The following PCDHGB4 variants were observed in gnomAD, a reference collection of about 807,000 sequenced individuals.
PCDHGB4 encodes protocadherin gamma-B4.
A neutral mutation model predicts 60.5 loss-of-function variants in PCDHGB4; 38 were observed. The ratio of observed to expected loss-of-function variants is 0.63; its 90% CI spans 0.48 to 0.82. PCDHGB4 has a LOEUF of 0.82. PCDHGB4 is among the 40% of genes least tolerant of loss of function. PCDHGB4 has a pLI of 0.00. For synonymous variants in PCDHGB4, 456 were observed against 509.7 expected (o/e 0.89, Z 1.42); for missense variants, 1,109 against 1,209.6 (o/e 0.92, Z 1.23).
intron 1 of PCDHGB4, chr5:141,414,152 A>G (rs1251267001): frequency 1.9e-6 from 3 of 1,600,994 alleles, no homozygotes; most frequent in Non-Finnish European, 2.6e-6. Context: ...ATACAAGCAG[A>G]AGATGGAGGA....
intron 1 of PCDHGB4, chr5:141,422,513 G>A (rs765955739): frequency 6.2e-7 from 1 of 1,614,000 alleles, no homozygotes. Context: ...ACAGACCAGG[G>A]AAGCCCGCCT....
intron 1 of PCDHGB4, chr5:141,426,414 G>A (rs2096934345): frequency 3.5e-6 from 1 of 287,986 alleles, no homozygotes; most frequent in Admixed American, 4.4e-5. Context: ...AAACGGTCCA[G>A]GGCTCCGTGG....
At chr5:141,465,945 AC>A (rs761290693) in intron 1 of PCDHGB4, among the ~76,000 whole-genome samples, 7 of 151,958 alleles carry the variant, frequency 4.6e-5, no homozygotes, top group Non-Finnish European at 5.9e-5. Context: ...ACATGGTGAA[AC>A]CCCATCTCTA....
At chr5:141,449,280 C>G (rs934214922) in intron 1 of PCDHGB4, among the ~76,000 whole-genome samples, 1 of 151,944 alleles carries the variant, frequency 6.6e-6, no homozygotes, top group East Asian at 1.9e-4. Context: ...CTCCTTCACC[C>G]GGATGCACCG....
chr5:141,477,890 C>T lies in PCDHGB4; in HGVS notation c.2398-16917C>T, dbSNP rs202114426. ...TACCTCAGCTGGCCACCTAGTGTCA[C>T]GGGTGGTAGGCTGGGACGCGGATGC... is the stretch of plus-strand genomic sequence containing the variant. On this transcript the variant is annotated intron_variant, in intron 1 of 3. Coordinates refer to ENST00000519479, the MANE Select transcript of PCDHGB4 (RefSeq NM_003736.4). This position sits in a 1 kb window ranked among gnomAD's most constrained non-coding sequence, Gnocchi z 4.9. 9.9e-6 allele frequency: 16 copies of T among 1,614,086 alleles called. No individual in the cohort carries two copies. Among genetic ancestry groups the T allele is most frequent in the Admixed American group, 1.7e-5 (1 of 60,006 alleles).
chr5:141,473,312 A>G (rs1432409474), intron 1 of PCDHGB4, among the ~76,000 whole-genome samples: 1 of 152,228 alleles, frequency 6.6e-6, no homozygotes, highest in Non-Finnish European at 1.5e-5. Context: ...TGCTATATTA[A>G]TAAGCATTAA....
chr5:141,470,130 A>G (rs915991313), intron 1 of PCDHGB4, among the ~76,000 whole-genome samples: 4 of 151,534 alleles, frequency 2.6e-5, no homozygotes, highest in African/African-American at 4.9e-5. Flanking sequence ...CTTCGTCTCA[A>G]AAAAAAAGAT....
rs1482297743 is a variant in PCDHGB4 at position 141,403,937 on chromosome 5, G to A, written c.2397+13656G>A. 8 of 1,613,778 alleles carry A rather than the reference G, an allele frequency of 5.0e-6. No individual in the cohort carries two copies. The highest frequency in any genetic ancestry group is 6.8e-6 in the Non-Finnish European group (8 of 1,179,896). On this transcript the variant is annotated intron_variant, in intron 1 of 3. Transcript: ENST00000519479. ...AGCTGAAGATGGTGGGGGATTGAAA[G>A]GGTGGACAAAAGTGCTCATTTCGGT...
rs148279287 is a variant in PCDHGB4 at position 141,389,277 on chromosome 5, C to T, written c.1393C>T (p.Pro465Ser). ...YIVHVAENNP[P>S]GASISQVRAS... is the part of the protein sequence containing the mutation. ...AGTCCACGTGGCCGAGAACAACCCG[C>T]CTGGAGCCTCTATTTCACAAGTCAG... Residue 465 changes from proline to serine, a missense_variant, in exon 1 of 4, where the codon CCT becomes TCT. Pro to Ser is a moderately conservative substitution (Grantham distance 74). Transcript: ENST00000519479. 7,343 of 1,614,014 alleles carry T rather than the reference C, an allele frequency of 4.5e-3. 34 individuals are homozygous for T. Among genetic ancestry groups the T allele is most frequent in the Middle Eastern group, 0.015 (93 of 6,062 alleles).
chr5:141,475,628 C>T (rs2099366226), intron 1 of PCDHGB4, among the ~76,000 whole-genome samples: 1 of 152,116 alleles, frequency 6.6e-6, no homozygotes. Context: ...TTGGTTCGAT[C>T]CCCTTTCTTG....
At chr5:141,405,277 T>C (rs770051288) in intron 1 of PCDHGB4, 5 of 1,614,196 alleles carry the variant, frequency 3.1e-6, no homozygotes, top group Non-Finnish European at 4.2e-6. Context: ...AGCCCAACTA[T>C]GCAGACACAC....
At chr5:141,457,469 AG>A (rs1170841505) in intron 1 of PCDHGB4, among the ~76,000 whole-genome samples, 1 of 152,226 alleles carries the variant, frequency 6.6e-6, no homozygotes, top group Non-Finnish European at 1.5e-5. Context: ...CACAGGAATA[AG>A]CAGGGCCAGG....
At chr5:141,415,079 C>A (rs1388248799) in intron 1 of PCDHGB4, 1 of 1,613,380 alleles carries the variant, frequency 6.2e-7, no homozygotes, top group Non-Finnish European at 8.5e-7. Context: ...ACGGCGCGAG[C>A]CCTGCTGGAC....
intron 1 of PCDHGB4, chr5:141,421,851 T>G: frequency 6.2e-7 from 1 of 1,613,714 alleles, no homozygotes; most frequent in East Asian, 2.2e-5. Context: ...AAGAGGCTGC[T>G]CACCTGCTCC....
chr5:141,417,833 G>A (rs968698994), intron 1 of PCDHGB4: 8 of 1,529,614 alleles, frequency 5.2e-6, no homozygotes, highest in Middle Eastern at 1.7e-4. Context: ...TGGAAAAGCG[G>A]GGACCCAGCG....
intron 1 of PCDHGB4, among the ~76,000 whole-genome samples, chr5:141,474,379 T>A (rs1451968368): frequency 6.6e-6 from 1 of 152,208 alleles, no homozygotes; most frequent in Non-Finnish European, 1.5e-5. Flanking sequence ...GAGGAGGGCA[T>A]TTCTGCATTT....
At chr5:141,451,302 G>A (rs1445994098) in intron 1 of PCDHGB4, among the ~76,000 whole-genome samples, 1 of 152,208 alleles carries the variant, frequency 6.6e-6, no homozygotes, top group Non-Finnish European at 1.5e-5. Context: ...GTCTTACAAG[G>A]CAGCAATTAA....
chr5:141,460,961 ATG>A (rs35821115), intron 1 of PCDHGB4, among the ~76,000 whole-genome samples: 22,194 of 144,260 alleles, frequency 0.15, 1,877 homozygotes, highest in South Asian at 0.27. Context: ...GTATATATAT[ATG>A]TGTGTGTGTG....
At chr5:141,458,438 CCCA>C (rs1221646653) in intron 1 of PCDHGB4, among the ~76,000 whole-genome samples, 3 of 152,024 alleles carry the variant, frequency 2.0e-5, no homozygotes, top group African/African-American at 7.2e-5. Context: ...GAGGAGGTCC[CCCA>C]CATTAACAAT....
Sources: gnomAD v4.1 joint callset for allele counts (sites outside exome capture counted in the v4.1 genomes callset) on GRCh38, gnomAD v4.1.1 for gene constraint, Gnocchi (gnomAD v3.1) non-coding constraint, MANE v1.5 for transcripts, NCBI Gene and HGNC (gene_info 2026-07-23, HGNC 2026-07-21) for gene names.